EYS: variants seen among roughly 807,000 people sequenced by gnomAD.
EYS encodes the protein protein eyes shut homolog.
EYS carries 250 observed loss-of-function variants against 282.1 expected under a neutral mutation model. That is an observed-to-expected ratio of 0.89 (90% CI 0.80 to 0.98). The LOEUF is 0.98. Ranked by LOEUF, EYS falls within the 50% of genes least tolerant of loss-of-function variation. The probability of loss-of-function intolerance (pLI) is 0.00; values close to 1 mark genes in which losing one functional copy is unlikely to be tolerated. For missense variants in EYS, 4,016 were observed against 3,709.0 expected (o/e 1.08, Z -2.15); for synonymous variants, 1,355 against 1,282.9 (o/e 1.06, Z -1.20).
chr6:63,990,346 C>A (rs1016174232), intron 34 of EYS, among the ~76,000 whole-genome samples: 13 of 151,538 alleles, frequency 8.6e-5, no homozygotes, highest in South Asian at 2.1e-4. Flanking sequence ...ATTGTGAAGC[C>A]AGCTGTATCA....
At chr6:65,677,828 A>G (rs2149836584) in intron 1 of EYS, among the ~76,000 whole-genome samples, 1 of 152,194 alleles carries the variant, frequency 6.6e-6, no homozygotes, top group African/African-American at 2.4e-5. Flanking sequence ...AACATGATAC[A>G]GGCATAAAGG....
At chr6:65,523,797 G>A (rs56200143) in intron 2 of EYS, among the ~76,000 whole-genome samples, 15,613 of 152,106 alleles carry the variant, frequency 0.1, 1,145 homozygotes, top group African/African-American at 0.19. Context: ...TTCTCCAGAC[G>A]GATGGTTTGC....
chr6:64,329,713 T>C (rs2150389617), intron 29 of EYS, among the ~76,000 whole-genome samples: 1 of 152,090 alleles, frequency 6.6e-6, no homozygotes, highest in East Asian at 1.9e-4. Flanking sequence ...TTTGGGATAA[T>C]AGAAAGATGT....
intron 42 of EYS, among the ~76,000 whole-genome samples, chr6:63,723,210 T>C (rs1220828588): frequency 6.6e-6 from 1 of 152,162 alleles, no homozygotes; most frequent in African/African-American, 2.4e-5. Context: ...ACAAAGAAAC[T>C]CAGTTTATTT....
At chr6:64,374,912 A>G (rs888823820) in intron 29 of EYS, among the ~76,000 whole-genome samples, 2 of 152,202 alleles carry the variant, frequency 1.3e-5, no homozygotes, top group African/African-American at 4.8e-5. Context: ...AGACACGTAA[A>G]TGAAAAGGTC....
intron 19 of EYS, among the ~76,000 whole-genome samples, chr6:64,854,274 C>T (rs1765980626): frequency 6.6e-6 from 1 of 152,104 alleles, no homozygotes; most frequent in African/African-American, 2.4e-5. Context: ...GATTATAAAT[C>T]ATGCTGCTAT....
intron 28 of EYS, among the ~76,000 whole-genome samples, chr6:64,415,414 G>C (rs1478452560): frequency 6.6e-6 from 1 of 152,138 alleles, no homozygotes; most frequent in Non-Finnish European, 1.5e-5. Flanking sequence ...CATCTATGTA[G>C]CTTCCCAGTC....
At chr6:64,331,130 A>T (rs1032850544) in intron 29 of EYS, among the ~76,000 whole-genome samples, 1 of 152,200 alleles carries the variant, frequency 6.6e-6, no homozygotes, top group Admixed American at 6.5e-5. Context: ...GAGCTGAGCT[A>T]ATAGCTCTCA....
chr6:65,577,750 T>TTA (rs1554212734), intron 2 of EYS, among the ~76,000 whole-genome samples: 12 of 143,878 alleles, frequency 8.3e-5, no homozygotes, highest in Middle Eastern at 3.4e-3. Context: ...AAGCCTGTTT[T>TTA]AAAAAAAAAA....
chr6:64,415,554 T>A (rs1341769991), intron 28 of EYS, among the ~76,000 whole-genome samples: 1 of 152,154 alleles, frequency 6.6e-6, no homozygotes, highest in African/African-American at 2.4e-5. Context: ...CTCTTGGATG[T>A]GTTATGAATG....
chr6:64,005,880 T>C (rs1351103575), intron 33 of EYS, among the ~76,000 whole-genome samples: 4 of 152,200 alleles, frequency 2.6e-5, no homozygotes, highest in South Asian at 4.1e-4. Flanking sequence ...AGGCTTGTAG[T>C]ATAGTTTGAA....
At chr6:65,358,353 T>C (rs1014737650) in intron 8 of EYS, among the ~76,000 whole-genome samples, 2 of 151,982 alleles carry the variant, frequency 1.3e-5, no homozygotes, top group African/African-American at 4.8e-5. Flanking sequence ...ATAAGTTCAC[T>C]TATTATGGTA....
intron 26 of EYS, among the ~76,000 whole-genome samples, chr6:64,536,752 T>A (rs1221233997): frequency 6.6e-6 from 1 of 151,710 alleles, no homozygotes; most frequent in Non-Finnish European, 1.5e-5. Context: ...TGGCTTATAA[T>A]GTAAATATCA....
At chr6:64,070,189 G>T (rs964885801) in intron 32 of EYS, among the ~76,000 whole-genome samples, 1 of 152,042 alleles carries the variant, frequency 6.6e-6, no homozygotes, top group African/African-American at 2.4e-5. Context: ...GTGTATTAAT[G>T]AACTTCACGT....
intron 12 of EYS, among the ~76,000 whole-genome samples, chr6:65,129,949 A>T (rs1273184035): frequency 6.6e-6 from 1 of 151,990 alleles, no homozygotes; most frequent in Non-Finnish European, 1.5e-5. Flanking sequence ...AATGTGGTAC[A>T]TATACATCAT....
intron 40 of EYS, among the ~76,000 whole-genome samples, chr6:63,768,717 C>G (rs1769858515): frequency 6.6e-6 from 1 of 152,080 alleles, no homozygotes; most frequent in Non-Finnish European, 1.5e-5. Flanking sequence ...AATACCATTA[C>G]TGGCTATATA....
chr6:64,902,492 C>A lies in EYS; in HGVS notation c.2650G>T (p.Gly884Cys). ...QHCICREEFE[G>C]KNCEIDVKDC... ...TTCACATCAATTTCACAGTTTTTAC[C>A]TTCAAATTCTGCAAAGAGTATGAGA... Residue 884 changes from glycine to cysteine, a missense_variant, in exon 17 of 43, where the codon GGT becomes TGT. By Grantham distance (159) the Gly-to-Cys change is radical (BLOSUM62 -3). Transcript: ENST00000503581. 1 of 1,529,256 alleles carries A rather than the reference C, an allele frequency of 6.5e-7. No homozygotes were observed. The highest frequency in any genetic ancestry group is 8.8e-7 in the Non-Finnish European group (1 of 1,139,768). The allele number at this position is 1,529,256 out of a possible 1,614,324, so 94.7% of individuals were successfully genotyped here. A position where few individuals can be genotyped will look rare whatever the true frequency, so the allele number is the denominator to read the frequency against.
chr6:64,782,336 G>T (rs1293650644), intron 22 of EYS, among the ~76,000 whole-genome samples: 1 of 152,094 alleles, frequency 6.6e-6, no homozygotes, highest in Non-Finnish European at 1.5e-5. Context: ...AATGTGTCTT[G>T]CTTTAGGCTT....
chr6:64,177,965 G>C (rs1468270009), intron 31 of EYS, among the ~76,000 whole-genome samples: 2 of 152,084 alleles, frequency 1.3e-5, no homozygotes, highest in Non-Finnish European at 2.9e-5. Context: ...CAATATGGCT[G>C]TTATTTGGCT....
Sources: allele counts gnomAD v4.1 joint callset (sites outside exome capture counted in the v4.1 genomes callset), GRCh38; gene constraint gnomAD v4.1.1; transcripts MANE v1.5; gene names NCBI Gene and HGNC (gene_info 2026-07-23, HGNC 2026-07-21).